DNAH3: variants seen among roughly 807,000 people sequenced by gnomAD.
DNAH3 encodes dynein axonemal heavy chain 3, also known as axonemal beta dynein heavy chain 3.
A neutral mutation model predicts 432.5 loss-of-function variants in DNAH3; 332 were observed. The observed-to-expected ratio is 0.77, with a 90% CI of 0.70 to 0.84. DNAH3 has a LOEUF of 0.84. DNAH3 is among the 40% of genes least tolerant of loss of function. DNAH3 has a pLI of 0.00. For synonymous variants in DNAH3, 1,956 were observed against 1,900.2 expected, an observed-to-expected ratio of 1.03 and a Z score of -0.76; for missense variants, 4,861 against 5,114.0, an observed-to-expected ratio of 0.95 and a Z score of 1.51.
intron 5 of DNAH3, among the ~76,000 whole-genome samples, chr16:21,139,446 T>C (rs965408957): frequency 1.4e-4 from 20 of 147,540 alleles, no homozygotes; most frequent in African/African-American, 4.8e-4. Context: ...AAGGGATAGG[T>C]TGTCTTGTCC....
At chr16:20,941,593 T>G in intron 58 of DNAH3, 50 bp from the exon 59 acceptor site, 1 of 1,604,206 alleles carries the variant, frequency 6.2e-7, no homozygotes, top group East Asian at 2.2e-5. Flanking sequence ...CCCTACAGGC[T>G]GTGGCTTTGG....
intron 61 of DNAH3, among the ~76,000 whole-genome samples, chr16:20,934,670 C>T (rs1044895235): frequency 2.6e-5 from 4 of 152,136 alleles, no homozygotes; most frequent in Non-Finnish European, 5.9e-5. Context: ...AAGTAAAGGA[C>T]TCTATGTTTT....
chr16:21,129,418 G>T, intron 7 of DNAH3: 1 of 152,320 alleles, frequency 6.6e-6, no homozygotes, highest in Non-Finnish European at 1.5e-5. Flanking sequence ...GAATGGGTGA[G>T]TGCTCTGCTT....
chr16:20,979,566 G>T lies in DNAH3; in HGVS notation c.7860-20C>A. On this transcript the variant is annotated intron_variant, in intron 49 of 61. Transcript: ENST00000261383. ...ACGACCCTGCCGAGGACACCAAGGC[G>T]GTTAGGCAGGACCCAACATCTTCCA... 1 of 1,610,732 alleles carries T rather than the reference G, an allele frequency of 6.2e-7. No individual in the cohort carries two copies. Among genetic ancestry groups the T allele is most frequent in the Non-Finnish European group, 8.5e-7 (1 of 1,177,104 alleles).
At chr16:21,111,366 A>G (rs991623639) in intron 14 of DNAH3, among the ~76,000 whole-genome samples, 1 of 152,212 alleles carries the variant, frequency 6.6e-6, no homozygotes, top group Non-Finnish European at 1.5e-5. Flanking sequence ...ATTTGCCTGC[A>G]AGAAGACAAA....
At chr16:20,957,324 G>A (rs1210946003) in intron 54 of DNAH3, among the ~76,000 whole-genome samples, 1 of 152,098 alleles carries the variant, frequency 6.6e-6, no homozygotes, top group East Asian at 1.9e-4. Context: ...ATATGAATAA[G>A]CATGATGTTT....
intron 51 of DNAH3, among the ~76,000 whole-genome samples, chr16:20,973,035 A>C (rs1339160386): frequency 6.6e-6 from 1 of 151,722 alleles, no homozygotes; most frequent in Non-Finnish European, 1.5e-5. Flanking sequence ...AGCTGCCATG[A>C]CCTATTTATG....
At chr16:21,106,538 C>T in exon 15 of DNAH3, 1 of 1,612,168 alleles carries the variant, frequency 6.2e-7, no homozygotes, top group Non-Finnish European at 8.5e-7. Context: ...TCACTTGCAT[C>T]TCTAAGTTGC....
chr16:20,965,264 T>G, exon 53 of DNAH3: 1 of 1,613,718 alleles, frequency 6.2e-7, no homozygotes, highest in Middle Eastern at 1.6e-4. Context: ...ACATTTTTAA[T>G]GACAGCTGGC....
At chr16:20,947,416 TAATTG>T (rs1209218812) in intron 57 of DNAH3, among the ~76,000 whole-genome samples, 1 of 152,170 alleles carries the variant, frequency 6.6e-6, no homozygotes, top group Non-Finnish European at 1.5e-5. Flanking sequence ...TCCAGCAAAT[TAATTG>T]AATTAATTTC....
At chr16:21,076,681 A>T (rs1370350746) in intron 20 of DNAH3, among the ~76,000 whole-genome samples, 1 of 152,136 alleles carries the variant, frequency 6.6e-6, no homozygotes, top group Non-Finnish European at 1.5e-5. Context: ...TTGAACCCTC[A>T]TAAAAAAATA....
exon 47 of DNAH3, chr16:20,987,328 A>C: frequency 6.2e-7 from 1 of 1,614,174 alleles, no homozygotes; most frequent in Non-Finnish European, 8.5e-7. Context: ...TGCTTGAAGC[A>C]ATTGGAGGTG....
chr16:21,044,871 T>C (rs2089622293), intron 31 of DNAH3, among the ~76,000 whole-genome samples: 1 of 117,806 alleles, frequency 8.5e-6, no homozygotes, highest in African/African-American at 3.4e-5. Flanking sequence ...TTATTGAGAG[T>C]TTTTAGCATG....
chr16:20,967,610 C>T (rs2085123047), intron 52 of DNAH3, among the ~76,000 whole-genome samples: 1 of 141,112 alleles, frequency 7.1e-6, no homozygotes, highest in South Asian at 2.3e-4. Flanking sequence ...TCAAGCAATT[C>T]TCCTTCCTCA....
intron 19 of DNAH3, among the ~76,000 whole-genome samples, chr16:21,083,053 G>A (rs532937585): frequency 1.4e-5 from 2 of 144,942 alleles, no homozygotes; most frequent in South Asian, 4.4e-4. Flanking sequence ...GTCTCGCTCT[G>A]TCACCCAGGC....
chr16:20,983,063 G>A, intron 48 of DNAH3, 177 bp from the exon 49 acceptor site: 1 of 601,900 alleles, frequency 1.7e-6, no homozygotes, highest in Admixed American at 2.9e-5. Context: ...GCTAATTAGT[G>A]GGATATTTTC....
At chr16:20,952,670 T>G (rs958943775) in intron 55 of DNAH3, 121 bp from the exon 56 acceptor site, 3 of 671,612 alleles carry the variant, frequency 4.5e-6, no homozygotes, top group Non-Finnish European at 5.4e-6. Flanking sequence ...CTCATGAATA[T>G]CAAGCACCGA....
intron 51 of DNAH3, among the ~76,000 whole-genome samples, chr16:20,972,460 C>T (rs1158645139): frequency 1.3e-5 from 2 of 151,992 alleles, no homozygotes. Flanking sequence ...GTCTGAAATT[C>T]CTCCTTGCCT....
intron 57 of DNAH3, among the ~76,000 whole-genome samples, chr16:20,948,146 C>T (rs1451018182): frequency 6.6e-6 from 1 of 152,120 alleles, no homozygotes; most frequent in Non-Finnish European, 1.5e-5. Flanking sequence ...TTTTTCTGTT[C>T]CTCCCTTTTT....
Sources: allele counts gnomAD v4.1 joint callset (sites outside exome capture counted in the v4.1 genomes callset), GRCh38; gene constraint gnomAD v4.1.1; transcripts MANE v1.5; gene names NCBI Gene and HGNC (gene_info 2026-07-23, HGNC 2026-07-21).